The following KLHL1 variants were observed in gnomAD, a reference collection of about 807,000 sequenced individuals.
KLHL1 encodes the protein kelch like family member 1, also known as kelch-like protein 1.
In KLHL1, 47 loss-of-function variants were observed where a neutral mutation model predicts 77.7. The ratio of observed to expected loss-of-function variants is 0.60; its 90% CI spans 0.48 to 0.77. KLHL1 has a LOEUF of 0.77. Ranked by LOEUF, KLHL1 falls within the 30% of genes least tolerant of loss-of-function variation. The probability of loss-of-function intolerance (pLI) is 0.00; values close to 1 mark genes in which losing one functional copy is unlikely to be tolerated. For missense variants in KLHL1, 925 were observed against 910.8 expected (o/e 1.02, Z -0.20); for synonymous variants, 360 against 325.2 (o/e 1.11, Z -1.15).
chr13:69,874,181 T>C (rs77342062), intron 5 of KLHL1, among the ~76,000 whole-genome samples: 1 of 152,072 alleles, frequency 6.6e-6, no homozygotes, highest in Admixed American at 6.6e-5. Flanking sequence ...CTCCCTTTAG[T>C]GTTTTCCCTC....
intron 2 of KLHL1, among the ~76,000 whole-genome samples, chr13:69,972,494 C>T (rs1315758382): frequency 2.6e-5 from 4 of 151,742 alleles, no homozygotes; most frequent in African/African-American, 9.7e-5. Context: ...ATATTGCATG[C>T]TTGCTGTAAA....
intron 1 of KLHL1, among the ~76,000 whole-genome samples, chr13:70,029,386 T>C (rs1199912542): frequency 6.6e-6 from 1 of 152,198 alleles, no homozygotes; most frequent in Non-Finnish European, 1.5e-5. Flanking sequence ...TTGATGAAGG[T>C]GAAGCCTGAT....
chr13:69,928,236 T>C (rs1403531818), intron 4 of KLHL1, among the ~76,000 whole-genome samples: 1 of 152,202 alleles, frequency 6.6e-6, no homozygotes, highest in East Asian at 1.9e-4. Context: ...AGCTACAGAA[T>C]AGTTTCTTCA....
At chr13:69,843,539 C>T (rs1879346205) in intron 5 of KLHL1, among the ~76,000 whole-genome samples, 1 of 151,592 alleles carries the variant, frequency 6.6e-6, no homozygotes, top group Admixed American at 6.6e-5. Flanking sequence ...ACAAGTAACC[C>T]TATGCCTTCT....
intron 1 of KLHL1, among the ~76,000 whole-genome samples, chr13:70,099,697 C>T (rs1412545743): frequency 4.0e-5 from 6 of 151,566 alleles, no homozygotes; most frequent in Non-Finnish European, 5.9e-5. Context: ...GCTTTTTGTC[C>T]CATAATAACA....
intron 1 of KLHL1, among the ~76,000 whole-genome samples, chr13:69,983,140 C>CA (rs1193339122): frequency 3.3e-5 from 5 of 151,984 alleles, no homozygotes; most frequent in South Asian, 2.1e-4. Flanking sequence ...AAAGATAGTA[C>CA]AGAGGGTGCA....
chr13:70,029,876 G>A (rs9317865), intron 1 of KLHL1, among the ~76,000 whole-genome samples: 92,379 of 151,944 alleles, frequency 0.61, 29,821 homozygotes, highest in East Asian at 0.81. Context: ...AGAGACACAC[G>A]TAGGCTCAAA....
At chr13:69,804,318 A>C (rs1232386983) in intron 6 of KLHL1, among the ~76,000 whole-genome samples, 1 of 151,588 alleles carries the variant, frequency 6.6e-6, no homozygotes, top group Admixed American at 6.6e-5. Flanking sequence ...GGGGGGGGGA[A>C]ATAGTAATTA....
At chr13:69,966,620 A>C (rs1434981203) in intron 2 of KLHL1, among the ~76,000 whole-genome samples, 1 of 151,924 alleles carries the variant, frequency 6.6e-6, no homozygotes, top group Non-Finnish European at 1.5e-5. Flanking sequence ...TTTCCTTTTT[A>C]TTTGTACAGA....
At position 69,783,189 on chromosome 13, in the gene KLHL1, C is replaced by CAAAG. The variant is rs527696767; in HGVS notation, c.1639+13545_1639+13548dup. Among the ~76,000 whole-genome samples, 194 of 152,158 alleles carry CAAAG rather than the reference C, an allele frequency of 1.3e-3. 1 individual carries two copies. The highest frequency in any genetic ancestry group is 4.4e-3 in the African/African-American group (183 of 41,452). ...AAACCCTTCTGTACATCACCATTAT[C>CAAAG]AAAGATCAAAAGTAGATAAAATGAC... On this transcript the variant is annotated intron_variant, in intron 7 of 10. Coordinates refer to ENST00000377844, the MANE Select transcript of KLHL1 (RefSeq NM_020866.3).
chr13:70,068,946 T>G (rs1192763433), intron 1 of KLHL1, among the ~76,000 whole-genome samples: 3 of 152,056 alleles, frequency 2.0e-5, no homozygotes, highest in African/African-American at 7.2e-5. Flanking sequence ...CCTTCTTGCT[T>G]CTGGCAGAGA....
intron 5 of KLHL1, among the ~76,000 whole-genome samples, chr13:69,878,428 C>T (rs1349719655): frequency 6.6e-6 from 1 of 151,986 alleles, no homozygotes; most frequent in Admixed American, 6.6e-5. Context: ...CAGGAATTAC[C>T]TTACAAACAC....
chr13:69,706,809 G>T (rs1238261613), intron 10 of KLHL1, among the ~76,000 whole-genome samples: 1 of 151,950 alleles, frequency 6.6e-6, no homozygotes, highest in African/African-American at 2.4e-5. Context: ...TCATAAGCAA[G>T]GCCACAGTAG....
At chr13:70,016,556 G>A (rs1885662708) in intron 1 of KLHL1, among the ~76,000 whole-genome samples, 1 of 152,220 alleles carries the variant, frequency 6.6e-6, no homozygotes, top group South Asian at 2.1e-4. Flanking sequence ...GCCTGTGCTT[G>A]GGGCAGTGCT....
intron 1 of KLHL1, among the ~76,000 whole-genome samples, chr13:70,072,787 A>T (rs1240129096): frequency 6.6e-6 from 1 of 152,092 alleles, no homozygotes; most frequent in Non-Finnish European, 1.5e-5. Flanking sequence ...GTGTTGATGG[A>T]AACTTTTTCA....
At chr13:69,857,421 C>A (rs1055453777) in intron 5 of KLHL1, among the ~76,000 whole-genome samples, 3 of 152,036 alleles carry the variant, frequency 2.0e-5, no homozygotes, top group Non-Finnish European at 4.4e-5. Context: ...CTGTCTCCCC[C>A]TAGTGGACAT....
intron 8 of KLHL1, among the ~76,000 whole-genome samples, chr13:69,723,580 A>G (rs2137901363): frequency 6.6e-6 from 1 of 152,170 alleles, no homozygotes; most frequent in East Asian, 1.9e-4. Flanking sequence ...CTCTTGGCCA[A>G]AGGCACTCTC....
chr13:70,078,597 G>A (rs1040726196), intron 1 of KLHL1, among the ~76,000 whole-genome samples: 1 of 152,054 alleles, frequency 6.6e-6, no homozygotes, highest in Non-Finnish European at 1.5e-5. Flanking sequence ...TAAGATCTGA[G>A]ATCTTGTAAA....
intron 6 of KLHL1, among the ~76,000 whole-genome samples, chr13:69,806,107 G>T (rs375497641): frequency 6.6e-6 from 1 of 151,996 alleles, no homozygotes; most frequent in Non-Finnish European, 1.5e-5. Context: ...GTGGTTATAC[G>T]CATCAATGGA....
Sources: allele counts gnomAD v4.1 joint callset (sites outside exome capture counted in the v4.1 genomes callset), GRCh38; gene constraint gnomAD v4.1.1; transcripts MANE v1.5; gene names NCBI Gene and HGNC (gene_info 2026-07-23, HGNC 2026-07-21).